The following VWA8 variants were observed in gnomAD, a reference collection of about 807,000 sequenced individuals.
The protein encoded by VWA8 is von Willebrand factor A domain containing 8.
A neutral mutation model predicts 241.5 loss-of-function variants in VWA8; 221 were observed. That is an observed-to-expected ratio of 0.91 (90% CI 0.82 to 1.02). VWA8 has a LOEUF of 1.02. Ranked by LOEUF, VWA8 falls within the 50% of genes least tolerant of loss-of-function variation. VWA8 has a pLI of 0.00. For missense variants in VWA8, 2,322 were observed against 2,328.7 expected (o/e 1.00, Z 0.06); for synonymous variants, 852 against 827.1 (o/e 1.03, Z -0.52).
intron 12 of VWA8, among the ~76,000 whole-genome samples, chr13:41,849,605 T>C (rs556694195): frequency 2.0e-3 from 309 of 152,212 alleles, no homozygotes; most frequent in African/African-American, 7.3e-3. Flanking sequence ...CAGAAGTGCA[T>C]AGGTCAGGCA....
At chr13:41,827,704 T>C (rs912916465) in intron 14 of VWA8, among the ~76,000 whole-genome samples, 2 of 152,228 alleles carry the variant, frequency 1.3e-5, no homozygotes, top group Non-Finnish European at 2.9e-5. Flanking sequence ...AAGCCTAGTT[T>C]GTATTTATGA....
chr13:41,694,836 C>T (rs1436283869), intron 29 of VWA8, among the ~76,000 whole-genome samples: 3 of 152,082 alleles, frequency 2.0e-5, no homozygotes, highest in Non-Finnish European at 1.5e-5. Context: ...ATTTTCCTAC[C>T]TTTTTAGGGT....
chr13:41,589,129 G>A lies in VWA8; in HGVS notation c.5113-1459C>T, dbSNP rs184161597. ...CACTGCACCCCCAGCTCTCAGTGGC[G>A]ACTCAGCAATTCTGGTTACCCAGGA... On this transcript the variant is annotated intron_variant, in intron 41 of 44. Transcript: ENST00000379310. Among the ~76,000 whole-genome samples the A allele has an allele frequency of 4.6e-5, 7 of 152,102 alleles. No homozygotes were observed. The East Asian group carries it at 7.7e-4, about 17-fold the overall frequency.
At chr13:41,588,099 T>C (rs11840821) in intron 41 of VWA8, among the ~76,000 whole-genome samples, 48,738 of 152,136 alleles carry the variant, frequency 0.32, 8,686 homozygotes, top group Non-Finnish European at 0.4. Flanking sequence ...TACTTGTACG[T>C]ATTGGGTAGT....
Position 41,865,796 on chromosome 13 carries a change from C to T in VWA8, c.1365G>A (p.Val455=), listed in dbSNP as rs995199342. The T allele has an allele frequency of 1.9e-6, 3 of 1,614,158 alleles. No homozygotes were observed. Among genetic ancestry groups the T allele is most frequent in the Admixed American group, 3.3e-5 (2 of 60,024 alleles). ...LIGGKGCGKT[V]IAKNFADTLG... is the part of the protein sequence containing the mutation. The stretch of plus-strand genomic sequence containing the variant: ...AGGTATCGGCAAAGTTCTTAGCGAT[C>T]ACTGTTTTTCCACAACCCTACAAAT... The change falls in exon 12 of 45, where the codon GTG becomes GTA. Residue 455 remains valine, a synonymous_variant. Coordinates refer to ENST00000379310, the MANE Select transcript of VWA8 (RefSeq NM_015058.2).
At chr13:41,756,519 G>T (rs550603517) in intron 21 of VWA8, among the ~76,000 whole-genome samples, 1 of 151,708 alleles carries the variant, frequency 6.6e-6, no homozygotes, top group Non-Finnish European at 1.5e-5. Context: ...CTTGAGAGCT[G>T]ATTTTAATTT....
At chr13:41,878,399 T>C (rs1315679718) in intron 9 of VWA8, among the ~76,000 whole-genome samples, 1 of 151,580 alleles carries the variant, frequency 6.6e-6, no homozygotes, top group Admixed American at 6.6e-5. Context: ...GATAAAGAAT[T>C]ATATCAATAA....
At chr13:41,677,324 C>T (rs1176094679) in intron 35 of VWA8, among the ~76,000 whole-genome samples, 1 of 152,186 alleles carries the variant, frequency 6.6e-6, no homozygotes, top group African/African-American at 2.4e-5. Context: ...GATTTCTATT[C>T]CACAGCCCTG....
chr13:41,628,599 AT>A (rs2044707761), intron 37 of VWA8, among the ~76,000 whole-genome samples: 1 of 152,238 alleles, frequency 6.6e-6, no homozygotes, highest in Non-Finnish European at 1.5e-5. Context: ...CTATGCAGCC[AT>A]AAAAAAAATA....
At chr13:41,960,087 A>C (rs1878542193) in intron 1 of VWA8, among the ~76,000 whole-genome samples, 1 of 152,160 alleles carries the variant, frequency 6.6e-6, no homozygotes, top group South Asian at 2.1e-4. Context: ...TTCCTTAACC[A>C]TCACAGTAAC....
At chr13:41,640,206 A>G (rs1241810701) in intron 37 of VWA8, among the ~76,000 whole-genome samples, 2 of 152,240 alleles carry the variant, frequency 1.3e-5, no homozygotes, top group African/African-American at 2.4e-5. Flanking sequence ...GTGACAGTCT[A>G]TTCACGTCAG....
chr13:41,758,691 T>C (rs2045717724), intron 21 of VWA8, among the ~76,000 whole-genome samples: 6 of 150,934 alleles, frequency 4.0e-5, no homozygotes, highest in Admixed American at 3.3e-4. Context: ...TCTTGCTTTA[T>C]TGTGCTAGCT....
chr13:41,683,676 T>A (rs751171283), intron 35 of VWA8, among the ~76,000 whole-genome samples: 1 of 151,512 alleles, frequency 6.6e-6, no homozygotes, highest in Non-Finnish European at 1.5e-5. Context: ...GGGAAAAGAG[T>A]GGAAGAGGTA....
intron 24 of VWA8, among the ~76,000 whole-genome samples, chr13:41,723,468 AAAG>A (rs1566429103): frequency 1.3e-5 from 2 of 152,214 alleles, no homozygotes; most frequent in African/African-American, 2.4e-5. Context: ...AGTTCATAAC[AAAG>A]AATAAGGCTG....
rs560803739 is a variant in VWA8 at position 41,918,943 on chromosome 13, C to T, written c.242-6775G>A. On this transcript the variant is annotated intron_variant, in intron 2 of 44. Coordinates refer to ENST00000379310, the MANE Select transcript of VWA8 (RefSeq NM_015058.2). ...TAATAAAAAGATCTTTGGAAAATCTCCAAATATTTAGAGACTAAACAGCAT... is the reference window on the plus strand; with the variant it reads ...TAATAAAAAGATCTTTGGAAAATCTTCAAATATTTAGAGACTAAACAGCAT... 2.0e-5 allele frequency among the ~76,000 whole-genome samples: 3 copies of T among 152,112 alleles called. No individual in the cohort carries two copies. In the South Asian group the frequency reaches 6.3e-4, roughly 32 times the overall value.
chr13:41,789,157 GAA>G (rs764643022), intron 17 of VWA8, among the ~76,000 whole-genome samples: 7 of 152,050 alleles, frequency 4.6e-5, no homozygotes, highest in Non-Finnish European at 8.8e-5. Context: ...AACAAATGAG[GAA>G]AATGGAACAT....
intron 17 of VWA8, among the ~76,000 whole-genome samples, chr13:41,795,145 AAC>A (rs1869633208): frequency 6.6e-6 from 1 of 152,176 alleles, no homozygotes; most frequent in South Asian, 2.1e-4. Flanking sequence ...AAAGGACATG[AAC>A]AGACACTTTT....
chr13:41,889,014 A>C (rs533863582), intron 5 of VWA8, among the ~76,000 whole-genome samples: 11 of 152,372 alleles, frequency 7.2e-5, no homozygotes, highest in African/African-American at 2.4e-4. Context: ...ATGTTAAATA[A>C]AATATAAAGT....
chr13:41,615,947 T>A (rs896472246), intron 37 of VWA8, among the ~76,000 whole-genome samples: 6 of 152,188 alleles, frequency 3.9e-5, no homozygotes, highest in African/African-American at 2.4e-5. Flanking sequence ...GAAGACAAGA[T>A]CAAATTCTCA....
Sources: allele counts gnomAD v4.1 joint callset (sites outside exome capture counted in the v4.1 genomes callset), GRCh38; gene constraint gnomAD v4.1.1; transcripts MANE v1.5; gene names NCBI Gene and HGNC (gene_info 2026-07-23, HGNC 2026-07-21).